The following ASAP2 variants were observed in gnomAD, a reference collection of about 807,000 sequenced individuals.
ASAP2 encodes the protein ArfGAP with SH3 domain, ankyrin repeat and PH domain 2, also known as arf-GAP with SH3 domain, ANK repeat and PH domain-containing protein 2.
ASAP2 carries 45 observed loss-of-function variants against 131.4 expected under a neutral mutation model. The ratio of observed to expected loss-of-function variants is 0.34; its 90% CI spans 0.27 to 0.44. ASAP2 has a LOEUF of 0.44. Ranked by LOEUF, ASAP2 falls within the 20% of genes least tolerant of loss-of-function variation. The pLI is 1.00. For missense variants in ASAP2, 1,011 were observed against 1,297.0 expected, an observed-to-expected ratio of 0.78 and a Z score of 3.39; for synonymous variants, 510 against 503.0, an observed-to-expected ratio of 1.01 and a Z score of -0.19.
intron 7 of ASAP2, among the ~76,000 whole-genome samples, chr2:9,330,977 A>C (rs1197238234): frequency 1.3e-5 from 2 of 152,218 alleles, no homozygotes; most frequent in East Asian, 3.9e-4. Flanking sequence ...CTCAATTCAC[A>C]TTCTGGAGGG....
At chr2:9,279,485 G>C in intron 2 of ASAP2, 96 bp downstream of exon 2, 1 of 1,113,630 alleles carries the variant, frequency 9.0e-7, no homozygotes, top group Non-Finnish European at 1.4e-6. Flanking sequence ...AAATGAGCCA[G>C]CTAGACTCCT....
chr2:9,277,226 G>A (rs541634668), intron 1 of ASAP2, among the ~76,000 whole-genome samples: 2 of 152,206 alleles, frequency 1.3e-5, no homozygotes, highest in African/African-American at 4.8e-5. Context: ...TCTAAGCTTC[G>A]CGAACTGGTG....
rs533947909 is a variant in ASAP2, at chr2:9,268,938, G to A, written c.127-10379G>A. 1.0e-3 allele frequency among the ~76,000 whole-genome samples: 157 copies of A among 152,222 alleles called. 2 individuals are homozygous for A. Among genetic ancestry groups the A allele is most frequent in the Middle Eastern group, 3.4e-3 (1 of 294 alleles). The stretch of plus-strand genomic sequence containing the variant: ...GAACTCAGGGTGCTGGGGACAAACC[G>A]GTGCTGTGCTGCCTGCAGTGTGGGC... On this transcript the variant is annotated intron_variant, in intron 1 of 27. Transcript: ENST00000281419. This position sits in a 1 kb window ranked among gnomAD's most constrained non-coding sequence, Gnocchi z 4.1.
At chr2:9,383,725 G>A (rs889334456) in intron 20 of ASAP2, among the ~76,000 whole-genome samples, 1 of 152,024 alleles carries the variant, frequency 6.6e-6, no homozygotes, top group Non-Finnish European at 1.5e-5. Context: ...TGTTTATTGC[G>A]GCACTATTCA....
chr2:9,223,649 A>G (rs1245282397), intron 1 of ASAP2, among the ~76,000 whole-genome samples: 1 of 152,222 alleles, frequency 6.6e-6, no homozygotes, highest in African/African-American at 2.4e-5. Flanking sequence ...CCCCCAATGA[A>G]GTAGAAAGTA....
At chr2:9,211,318 T>G (rs1330630406) in intron 1 of ASAP2, among the ~76,000 whole-genome samples, 1 of 152,204 alleles carries the variant, frequency 6.6e-6, no homozygotes, top group East Asian at 1.9e-4. Context: ...CCTGTGCTTT[T>G]GGAAATAATG....
At chr2:9,262,953 G>C (rs900354219) in intron 1 of ASAP2, among the ~76,000 whole-genome samples, 3 of 152,232 alleles carry the variant, frequency 2.0e-5, no homozygotes, top group Non-Finnish European at 4.4e-5. Flanking sequence ...TGTGGCTTGA[G>C]CCTCGTTTCC....
chr2:9,393,724 T>C (rs1438161480), intron 24 of ASAP2, 77 bp downstream of exon 24: 19 of 1,419,068 alleles, frequency 1.3e-5, no homozygotes, highest in Non-Finnish European at 1.6e-5. Flanking sequence ...TGCAGGAATG[T>C]TTGCAATCCC....
chr2:9,295,735 T>G (rs1465108624), intron 2 of ASAP2, among the ~76,000 whole-genome samples: 2 of 152,196 alleles, frequency 1.3e-5, no homozygotes, highest in Non-Finnish European at 2.9e-5. Context: ...TATCTAGAAC[T>G]CTCAGGCTCT....
At chr2:9,365,140 G>T (rs1673368297) in intron 15 of ASAP2, among the ~76,000 whole-genome samples, 2 of 152,182 alleles carry the variant, frequency 1.3e-5, no homozygotes, top group South Asian at 4.1e-4. Flanking sequence ...CTTTTAAAGG[G>T]TCAGGTAAAG....
chr2:9,354,217 CAAT>C (rs1206450196), intron 12 of ASAP2, among the ~76,000 whole-genome samples: 1 of 152,198 alleles, frequency 6.6e-6, no homozygotes, highest in East Asian at 1.9e-4. Flanking sequence ...CAGAGGGAGT[CAAT>C]GACCTTCCAG....
At chr2:9,243,157 G>A (rs1572234623) in intron 1 of ASAP2, among the ~76,000 whole-genome samples, 1 of 152,160 alleles carries the variant, frequency 6.6e-6, no homozygotes, top group East Asian at 1.9e-4. Flanking sequence ...CGCCCAGGCT[G>A]GAGTGCAGTG....
chr2:9,368,551 G>T (rs749256636), intron 16 of ASAP2, 32 bp downstream of exon 16: 1 of 1,598,550 alleles, frequency 6.3e-7, no homozygotes, highest in Non-Finnish European at 8.6e-7. Context: ...CTCATTTGCT[G>T]AGTAAAGGTT....
intron 3 of ASAP2, among the ~76,000 whole-genome samples, chr2:9,297,918 G>A (rs1668246725): frequency 6.6e-6 from 1 of 152,100 alleles, no homozygotes. Context: ...CTAAAAAAAA[G>A]CAGGACTGAG....
intron 1 of ASAP2, among the ~76,000 whole-genome samples, chr2:9,253,898 C>T (rs1314069675): frequency 6.6e-6 from 1 of 151,912 alleles, no homozygotes; most frequent in Non-Finnish European, 1.5e-5. Flanking sequence ...AGACCACATT[C>T]ACATAACTTT....
chr2:9,285,863 A>G (rs1288487279), intron 2 of ASAP2, among the ~76,000 whole-genome samples: 1 of 152,228 alleles, frequency 6.6e-6, no homozygotes. Context: ...TTGAAAGTAC[A>G]AAGAAATGCT....
chr2:9,325,486 T>G (rs1232216206), intron 6 of ASAP2, among the ~76,000 whole-genome samples: 1 of 152,226 alleles, frequency 6.6e-6, no homozygotes. Flanking sequence ...GTGTTTGTGT[T>G]CAGGTCATGC....
chr2:9,388,560 C>T lies in ASAP2; in HGVS notation c.2383+14C>T, dbSNP rs780490300. The T allele has an allele frequency of 8.3e-5, 134 of 1,608,426 alleles. 1 individual carries two copies. Among genetic ancestry groups the T allele is most frequent in the South Asian group, 2.8e-4 (25 of 90,120 alleles). ...ATGTTGGCAAAGGTATGAAGCTGTC[C>T]GTCATCCCTGTGAATATATAGAGGG... On this transcript the variant is annotated intron_variant, in intron 22 of 27. Coordinates refer to ENST00000281419, the MANE Select transcript of ASAP2 (RefSeq NM_003887.3).
chr2:9,286,173 G>A (rs1396693978), intron 2 of ASAP2, among the ~76,000 whole-genome samples: 1 of 152,136 alleles, frequency 6.6e-6, no homozygotes, highest in Non-Finnish European at 1.5e-5. Flanking sequence ...GAGGCAGATG[G>A]ATCGCTTGAG....
Sources: allele counts gnomAD v4.1 joint callset (sites outside exome capture counted in the v4.1 genomes callset), GRCh38; gene constraint gnomAD v4.1.1; non-coding constraint Gnocchi (gnomAD v3.1); transcripts MANE v1.5; gene names NCBI Gene and HGNC (gene_info 2026-07-23, HGNC 2026-07-21).